The following TENM4 variants were observed in gnomAD, a reference collection of about 807,000 sequenced individuals.
TENM4 encodes the protein teneurin transmembrane protein 4.
TENM4 carries 82 observed loss-of-function variants against 243.3 expected under a neutral mutation model. The observed-to-expected ratio is 0.34, with a 90% CI of 0.28 to 0.40. TENM4 has a LOEUF of 0.40. Among genes scored for constraint, TENM4 ranks in the 10% least tolerant of loss-of-function variants. The pLI is 1.00. For missense variants in TENM4, 3,138 were observed against 3,673.3 expected (o/e 0.85, Z 3.77); for synonymous variants, 1,412 against 1,456.3 (o/e 0.97, Z 0.69).
At chr11:79,439,556 C>T (rs778105123) in intron 1 of TENM4, among the ~76,000 whole-genome samples, 22 of 152,186 alleles carry the variant, frequency 1.4e-4, no homozygotes, top group South Asian at 6.2e-4. Flanking sequence ...GGGCGGGCAG[C>T]GGGCAGCTAA....
intron 9 of TENM4, among the ~76,000 whole-genome samples, chr11:78,864,644 A>G (rs1858918145): frequency 6.6e-6 from 1 of 152,064 alleles, no homozygotes; most frequent in Non-Finnish European, 1.5e-5. Context: ...CCATTTTAGG[A>G]TTCCAGGCTT....
intron 6 of TENM4, among the ~76,000 whole-genome samples, chr11:78,940,659 C>A (rs771332752): frequency 1.8e-4 from 27 of 152,188 alleles, no homozygotes; most frequent in Non-Finnish European, 2.8e-4. Flanking sequence ...TACCAAAGGA[C>A]AAACAGGCAT....
chr11:79,376,586 G>A (rs985893601), intron 1 of TENM4, among the ~76,000 whole-genome samples: 4 of 152,116 alleles, frequency 2.6e-5, no homozygotes, highest in African/African-American at 4.8e-5. Flanking sequence ...ATGAGCTCCC[G>A]AGGGCTAGGT....
intron 1 of TENM4, among the ~76,000 whole-genome samples, chr11:79,436,535 T>C (rs1280276396): frequency 1.3e-5 from 2 of 152,210 alleles, no homozygotes; most frequent in African/African-American, 4.8e-5. Context: ...GAGGAGACTA[T>C]ACCAAATAGA....
intron 6 of TENM4, among the ~76,000 whole-genome samples, chr11:79,043,794 C>A (rs1859595354): frequency 6.6e-6 from 1 of 152,086 alleles, no homozygotes; most frequent in Non-Finnish European, 1.5e-5. Flanking sequence ...CTTATAATAA[C>A]CACCCCCATC....
At chr11:78,898,852 C>T (rs1045047973) in intron 7 of TENM4, among the ~76,000 whole-genome samples, 2 of 152,070 alleles carry the variant, frequency 1.3e-5, no homozygotes, top group African/African-American at 4.8e-5. Flanking sequence ...AAATGTCTTA[C>T]CTGGTAGACA....
chr11:79,129,529 G>T (rs1591303215), intron 4 of TENM4, among the ~76,000 whole-genome samples: 1 of 152,334 alleles, frequency 6.6e-6, no homozygotes, highest in African/African-American at 2.4e-5. Context: ...GGTGCTGTTT[G>T]TTGGGGGGTA....
At chr11:78,839,929 G>T (rs1437339833) in intron 12 of TENM4, among the ~76,000 whole-genome samples, 1 of 152,130 alleles carries the variant, frequency 6.6e-6, no homozygotes. Context: ...TACACCTGCT[G>T]GGGTCCCTAG....
At chr11:78,812,556 C>A (rs1857522603) in intron 13 of TENM4, among the ~76,000 whole-genome samples, 1 of 152,162 alleles carries the variant, frequency 6.6e-6, no homozygotes, top group African/African-American at 2.4e-5. Flanking sequence ...TCCACTTAAC[C>A]CCATCCCCTT....
intron 2 of TENM4, among the ~76,000 whole-genome samples, chr11:79,255,612 A>T (rs1855688660): frequency 6.6e-6 from 1 of 152,390 alleles, no homozygotes; most frequent in South Asian, 2.1e-4. Context: ...TTTGATGTGC[A>T]TTCAACACAT....
chr11:79,332,634 T>G (rs1409087537), intron 1 of TENM4, among the ~76,000 whole-genome samples: 1 of 152,244 alleles, frequency 6.6e-6, no homozygotes, highest in Non-Finnish European at 1.5e-5. Context: ...TGCTTCATTT[T>G]GTTTGGATAT....
At chr11:78,766,808 T>C (rs568745464) in intron 18 of TENM4, among the ~76,000 whole-genome samples, 1 of 151,390 alleles carries the variant, frequency 6.6e-6, no homozygotes, top group Non-Finnish European at 1.5e-5. Flanking sequence ...ATTAAAGTGA[T>C]TCTCGTGCCT....
chr11:79,328,904 T>C (rs184813501), intron 1 of TENM4, among the ~76,000 whole-genome samples: 8 of 152,282 alleles, frequency 5.3e-5, no homozygotes, highest in Non-Finnish European at 1.2e-4. Context: ...CCAGAGCTGA[T>C]GTAGCCCAAG....
At chr11:78,866,800 CA>C (rs1241184515) in intron 9 of TENM4, among the ~76,000 whole-genome samples, 1 of 152,128 alleles carries the variant, frequency 6.6e-6, no homozygotes, top group African/African-American at 2.4e-5. Flanking sequence ...TTTAACCATT[CA>C]AAAATAACTT....
intron 28 of TENM4, among the ~76,000 whole-genome samples, chr11:78,696,462 T>C (rs549404950): frequency 7.1e-6 from 1 of 141,408 alleles, no homozygotes; most frequent in African/African-American, 3.0e-5. Flanking sequence ...CGTGACATCT[T>C]GTGTAGCATG....
intron 1 of TENM4, among the ~76,000 whole-genome samples, chr11:79,346,170 T>C (rs1036590990): frequency 1.3e-5 from 2 of 152,128 alleles, no homozygotes; most frequent in African/African-American, 2.4e-5. Context: ...CCAGAGAACA[T>C]TTGACTCTCC....
chr11:79,225,349 T>G (rs747565296), intron 2 of TENM4, among the ~76,000 whole-genome samples: 1 of 152,230 alleles, frequency 6.6e-6, no homozygotes, highest in Non-Finnish European at 1.5e-5. Context: ...ACAATTCTCC[T>G]GCATCTCTGC....
chr11:79,321,979 G>A (rs1360330332), intron 1 of TENM4, among the ~76,000 whole-genome samples: 1 of 152,152 alleles, frequency 6.6e-6, no homozygotes, highest in Non-Finnish European at 1.5e-5. Flanking sequence ...ATTACATAGG[G>A]CCTGGAAATC....
intron 4 of TENM4, among the ~76,000 whole-genome samples, chr11:79,117,542 A>G (rs746489753): frequency 1.6e-4 from 25 of 152,194 alleles, no homozygotes; most frequent in Non-Finnish European, 2.9e-4. Flanking sequence ...CCTTGGCTTC[A>G]TCAAGCCTCC....
Sources: gnomAD v4.1 joint callset for allele counts (sites outside exome capture counted in the v4.1 genomes callset) on GRCh38, gnomAD v4.1.1 for gene constraint, MANE v1.5 for transcripts, NCBI Gene and HGNC (gene_info 2026-07-23, HGNC 2026-07-21) for gene names.